The following ZFAND3 variants were observed in gnomAD, a reference collection of about 807,000 sequenced individuals.
ZFAND3 encodes the protein zinc finger AN1-type containing 3.
Under a neutral mutation model 29.6 loss-of-function variants are expected in ZFAND3, and 10 were observed. The ratio of observed to expected loss-of-function variants is 0.34; its 90% confidence interval spans 0.21 to 0.57. The LOEUF is 0.57. Ranked by LOEUF, ZFAND3 falls within the 20% of genes least tolerant of loss-of-function variation. ZFAND3 has a pLI of 0.86. For synonymous variants in ZFAND3, 128 were observed against 112.6 expected, an observed-to-expected ratio of 1.14 and a Z score of -0.87; for missense variants, 230 against 304.5, an observed-to-expected ratio of 0.76 and a Z score of 1.82.
rs536489186 is a variant in ZFAND3, at chr6:37,979,812, A to G, written c.112+49813A>G. ...TGTGTTTTTCTGTTCTGTGAACTCT[A>G]GCTGCTTTGTTCTCATCAGGCCTCT... On this transcript the variant is annotated intron_variant, in intron 2 of 5. Transcript: ENST00000287218. Among the ~76,000 whole-genome samples, 3 of 152,296 alleles carry G rather than the reference A, an allele frequency of 2.0e-5. No homozygotes were observed. In the South Asian group the frequency reaches 6.2e-4, roughly 32 times the overall value.
rs138369983 is a variant in ZFAND3 at position 37,888,406 on chromosome 6, A to C, written c.72-41553A>C. 3.1e-3 allele frequency among the ~76,000 whole-genome samples: 469 copies of C among 152,286 alleles called. 6 individuals carry two copies. The highest frequency in any genetic ancestry group is 5.7e-4 in the Non-Finnish European group (39 of 68,008). On this transcript the variant is annotated intron_variant, in intron 1 of 5. Coordinates refer to ENST00000287218, the MANE Select transcript of ZFAND3 (RefSeq NM_021943.3). ...GAATTAACATCTGAAATGTAGTTGC[A>C]TAATTATGGCATTATCAATAGGAAT...
At chr6:38,144,172 A>AATTTT (rs1562015579) in intron 5 of ZFAND3, among the ~76,000 whole-genome samples, 1 of 32,666 alleles carries the variant, frequency 3.1e-5, no homozygotes, top group Non-Finnish European at 5.7e-5. Context: ...GAAAAATGTG[A>AATTTT]TATATATATA....
intron 1 of ZFAND3, among the ~76,000 whole-genome samples, chr6:37,865,751 G>A (rs1251705554): frequency 6.6e-6 from 1 of 152,176 alleles, no homozygotes; most frequent in African/African-American, 2.4e-5. Context: ...GAAGTCAGAG[G>A]CAAGGGAGTT....
intron 1 of ZFAND3, among the ~76,000 whole-genome samples, chr6:37,850,191 C>G (rs1213325433): frequency 6.6e-6 from 1 of 152,092 alleles, no homozygotes; most frequent in Non-Finnish European, 1.5e-5. Context: ...TGAAACATAA[C>G]CAGAAGCAGG....
intron 2 of ZFAND3, among the ~76,000 whole-genome samples, chr6:38,057,764 C>T (rs78888059): frequency 0.033 from 5,053 of 152,246 alleles, 229 homozygotes; most frequent in Admixed American, 0.12. Flanking sequence ...TCAGCTCTTG[C>T]ATTCTCTATC....
chr6:38,143,176 C>A (rs75847900), intron 5 of ZFAND3: 10,497 of 152,304 alleles, frequency 0.069, 435 homozygotes, highest in Non-Finnish European at 0.088. Context: ...GGGACGAAGC[C>A]GACATTCTCC....
chr6:37,838,562 A>G (rs750616273), intron 1 of ZFAND3, among the ~76,000 whole-genome samples: 3 of 152,246 alleles, frequency 2.0e-5, no homozygotes, highest in African/African-American at 4.8e-5. Context: ...GACATTTCAC[A>G]TAAGTGGAAT....
chr6:37,887,314 G>A (rs1417085533), intron 1 of ZFAND3, among the ~76,000 whole-genome samples: 2 of 152,110 alleles, frequency 1.3e-5, no homozygotes, highest in Non-Finnish European at 2.9e-5. Flanking sequence ...GCATATGTAA[G>A]AATTTGTATT....
chr6:38,136,898 G>A (rs986829785), intron 5 of ZFAND3, among the ~76,000 whole-genome samples: 1 of 152,180 alleles, frequency 6.6e-6, no homozygotes, highest in African/African-American at 2.4e-5. Context: ...AGGAAGTGGG[G>A]GTTCCAGATT....
At chr6:37,855,845 G>A (rs1764372022) in intron 1 of ZFAND3, among the ~76,000 whole-genome samples, 1 of 152,092 alleles carries the variant, frequency 6.6e-6, no homozygotes, top group African/African-American at 2.4e-5. Flanking sequence ...TTTCTGCATA[G>A]AAACTTTATA....
intron 2 of ZFAND3, among the ~76,000 whole-genome samples, chr6:37,962,973 T>C (rs1561948526): frequency 6.6e-6 from 1 of 151,554 alleles, no homozygotes; most frequent in Non-Finnish European, 1.5e-5. Flanking sequence ...AAGATCTACA[T>C]GTAACGCTCA....
intron 2 of ZFAND3, chr6:38,002,833 T>TA (rs1762974266): frequency 6.6e-6 from 1 of 152,194 alleles, no homozygotes; most frequent in African/African-American, 2.4e-5. Flanking sequence ...GAGCAGATCT[T>TA]ATTTTTTTTC....
chr6:38,153,519 G>A lies in ZFAND3; in HGVS notation c.*1130G>A, dbSNP rs1040498869. ...CATACGTCCCAGGGACAGTGGGTTT[G>A]GATCTGTCTAGAACAGCGGTTTGTG... is the stretch of plus-strand genomic sequence containing the variant. On this transcript the variant is annotated 3_prime_UTR_variant, in exon 6 of 6. Transcript: ENST00000287218. 2.0e-6 allele frequency: 2 copies of A among 985,502 alleles called. No individual in the cohort carries two copies. The highest frequency in any genetic ancestry group is 3.5e-5 in the African/African-American group (2 of 57,254). The allele number at this position is 985,502 out of a possible 1,614,324, so 61.0% of individuals were successfully genotyped here. A position where few individuals can be genotyped will look rare whatever the true frequency, so the allele number is the denominator to read the frequency against.
At chr6:37,909,373 A>G (rs1039627650) in intron 1 of ZFAND3, among the ~76,000 whole-genome samples, 3 of 148,978 alleles carry the variant, frequency 2.0e-5, no homozygotes, top group African/African-American at 4.9e-5. Flanking sequence ...TCCGCCTCCC[A>G]GGTTCAAGTG....
At chr6:38,122,088 G>C (rs993224789) in intron 5 of ZFAND3, among the ~76,000 whole-genome samples, 1 of 152,134 alleles carries the variant, frequency 6.6e-6, no homozygotes, top group African/African-American at 2.4e-5. Flanking sequence ...TACTGGCATG[G>C]ACTCATGGGC....
chr6:37,938,538 G>T (rs1328479305), intron 2 of ZFAND3, among the ~76,000 whole-genome samples: 1 of 152,058 alleles, frequency 6.6e-6, no homozygotes, highest in Non-Finnish European at 1.5e-5. Context: ...TATGTTAAAA[G>T]AATGTTTCTG....
rs530828455 is a variant in ZFAND3, at chr6:37,908,368, A to C, written c.72-21591A>C. On this transcript the variant is annotated intron_variant, in intron 1 of 5. Transcript: ENST00000287218. Reference sequence around the variant, plus strand: ...ATTTTAATGTAAAACGTAAATGTACATTGCCATTAGTGTGAACATAATGTC... The same window carrying C: ...ATTTTAATGTAAAACGTAAATGTACCTTGCCATTAGTGTGAACATAATGTC... Among the ~76,000 whole-genome samples, 6 of 152,260 alleles carry C rather than the reference A, an allele frequency of 3.9e-5. No individual in the cohort carries two copies. The East Asian group carries it at 1.2e-3, about 29-fold the overall frequency.
chr6:37,886,368 T>C (rs1764994761), intron 1 of ZFAND3, among the ~76,000 whole-genome samples: 1 of 151,808 alleles, frequency 6.6e-6, no homozygotes, highest in Non-Finnish European at 1.5e-5. Context: ...AATTCAGTAA[T>C]GTGATCTTAG....
intron 3 of ZFAND3, among the ~76,000 whole-genome samples, chr6:38,078,172 G>A (rs1288223184): frequency 1.3e-5 from 2 of 152,176 alleles, no homozygotes; most frequent in East Asian, 3.9e-4. Context: ...TGGGAATACA[G>A]CTGAAGAATA....
Sources: allele counts gnomAD v4.1 joint callset (sites outside exome capture counted in the v4.1 genomes callset), GRCh38; gene constraint gnomAD v4.1.1; transcripts MANE v1.5; gene names NCBI Gene and HGNC (gene_info 2026-07-23, HGNC 2026-07-21).